VDAC1: variants seen among roughly 807,000 people sequenced by gnomAD.
VDAC1 encodes non-selective voltage-gated ion channel VDAC1.
Under a neutral mutation model 34.7 loss-of-function variants are expected in VDAC1, and 10 were observed. The ratio of observed to expected loss-of-function variants is 0.29; its 90% CI spans 0.18 to 0.49. VDAC1 has a LOEUF of 0.49. VDAC1 is among the 20% of genes least tolerant of loss of function. VDAC1 has a pLI of 0.99. For missense variants in VDAC1, 230 were observed against 347.9 expected, an observed-to-expected ratio of 0.66 and a Z score of 2.69; for synonymous variants, 130 against 136.0, an observed-to-expected ratio of 0.96 and a Z score of 0.30.
chr5:134,083,386 C>T, the VDAC1 span, among the ~76,000 whole-genome samples: 1 of 152,082 alleles, frequency 6.6e-6, no homozygotes, highest in Non-Finnish European at 1.5e-5. Flanking sequence ...ATGGGGGTTT[C>T]ACTATGTTGG....
the VDAC1 span, among the ~76,000 whole-genome samples, chr5:134,059,932 A>G: frequency 9.5e-5 from 14 of 147,528 alleles, no homozygotes; most frequent in Middle Eastern, 3.5e-3. Context: ...GCCCAGGGAG[A>G]CTGTGTGTCT....
intron 5 of VDAC1, among the ~76,000 whole-genome samples, chr5:133,987,426 C>T (rs1000355818): frequency 1.3e-5 from 2 of 151,958 alleles, no homozygotes; most frequent in African/African-American, 2.4e-5. Context: ...ACCTGTAATC[C>T]CAACAATTTG....
the VDAC1 span, among the ~76,000 whole-genome samples, chr5:134,061,690 G>A: frequency 4.0e-5 from 6 of 151,496 alleles, no homozygotes; most frequent in Non-Finnish European, 5.9e-5. Flanking sequence ...TTTTTATGAA[G>A]ACAATCATGT....
the VDAC1 span, among the ~76,000 whole-genome samples, chr5:134,082,256 T>C: frequency 6.6e-6 from 1 of 152,218 alleles, no homozygotes; most frequent in Admixed American, 6.5e-5. Context: ...CAACCACTGA[T>C]CTGCTTTCTG....
chr5:133,973,375 T>C (rs1471561845), intron 8 of VDAC1, among the ~76,000 whole-genome samples: 1 of 152,210 alleles, frequency 6.6e-6, no homozygotes, highest in Non-Finnish European at 1.5e-5. Flanking sequence ...GGTTATACAC[T>C]AGAACTATAA....
At chr5:134,012,035 GAGAGAAAGAAAGAAAA>G in the VDAC1 span, among the ~76,000 whole-genome samples, 13 of 152,016 alleles carry the variant, frequency 8.6e-5, no homozygotes, top group African/African-American at 2.2e-4. Flanking sequence ...GAGAGACAGA[GAGAGAAAGAAAGAAAA>G]AGAGAAAGAA....
chr5:134,048,712 C>T, the VDAC1 span, among the ~76,000 whole-genome samples: 2 of 152,156 alleles, frequency 1.3e-5, no homozygotes, highest in Non-Finnish European at 2.9e-5. Context: ...TGATCTATGT[C>T]CTCCTAGCTC....
At chr5:134,033,994 A>T in the VDAC1 span, among the ~76,000 whole-genome samples, 4 of 152,126 alleles carry the variant, frequency 2.6e-5, no homozygotes, top group Non-Finnish European at 5.9e-5. Flanking sequence ...TCCGTCTCAA[A>T]AAAAAAAGAA....
chr5:134,040,036 C>T, the VDAC1 span, among the ~76,000 whole-genome samples: 3 of 152,206 alleles, frequency 2.0e-5, no homozygotes, highest in Non-Finnish European at 4.4e-5. Flanking sequence ...TGGGCCCTTC[C>T]AGGGACAAGG....
At chr5:134,020,692 T>TTTG in the VDAC1 span, among the ~76,000 whole-genome samples, 3 of 148,902 alleles carry the variant, frequency 2.0e-5, no homozygotes, top group Non-Finnish European at 3.0e-5. Flanking sequence ...TTGTTTGTTT[T>TTTG]TTGAGGTGGA....
At chr5:134,002,429 G>A (rs1431548792) in intron 1 of VDAC1, among the ~76,000 whole-genome samples, 2 of 152,174 alleles carry the variant, frequency 1.3e-5, no homozygotes, top group South Asian at 2.1e-4. Context: ...CCCACCATGA[G>A]GGAAGGGGTA....
the VDAC1 span, among the ~76,000 whole-genome samples, chr5:134,067,035 C>T: frequency 6.7e-6 from 1 of 149,912 alleles, no homozygotes; most frequent in South Asian, 2.1e-4. Flanking sequence ...TTCTTTGCTT[C>T]TTTTTCCCCC....
chr5:134,074,317 T>A, the VDAC1 span, among the ~76,000 whole-genome samples: 1 of 146,698 alleles, frequency 6.8e-6, no homozygotes, highest in African/African-American at 2.5e-5. Flanking sequence ...AATAAATAAA[T>A]AAATAAATAA....
the VDAC1 span, among the ~76,000 whole-genome samples, chr5:134,102,133 T>TG: frequency 3.3e-5 from 5 of 151,350 alleles, no homozygotes; most frequent in Admixed American, 1.3e-4. Context: ...CTCCTGCAGT[T>TG]GAGAGGCACG....
intron 5 of VDAC1, among the ~76,000 whole-genome samples, chr5:133,982,890 C>CAA (rs1382644803): frequency 2.9e-5 from 2 of 69,388 alleles, no homozygotes; most frequent in African/African-American, 5.1e-5. Context: ...AACTCAGTCT[C>CAA]AAAAAAAAAA....
intron 5 of VDAC1, among the ~76,000 whole-genome samples, chr5:133,984,249 C>T (rs753098565): frequency 3.3e-5 from 5 of 151,780 alleles, no homozygotes; most frequent in South Asian, 2.1e-4. Flanking sequence ...TGTGGGTAGA[C>T]GGGGTTTAAC....
chr5:133,973,054 A>G (rs1752356615), intron 8 of VDAC1, among the ~76,000 whole-genome samples, 192 bp from the exon 9 acceptor site: 1 of 152,176 alleles, frequency 6.6e-6, no homozygotes, highest in Admixed American at 6.5e-5. Context: ...AAACAACTAT[A>G]ATTATCCCAC....
chr5:133,992,326 T>A lies in VDAC1; in HGVS notation c.97A>T (p.Thr33Ser), dbSNP rs1296925636. ...GFGLIKLDLKTKSENGLEFTS... is the reference protein window; with the variant it reads ...GFGLIKLDLKSKSENGLEFTS... Reference sequence around the variant, plus strand: ...CTTACCAATCCATTCTCAGATTTTGTTTTCAAATCAAGCTTTATTAAGCCA... The same window carrying A: ...CTTACCAATCCATTCTCAGATTTTGATTTCAAATCAAGCTTTATTAAGCCA... The change falls in exon 3 of 9, where the codon ACA becomes TCA. Residue 33 changes from threonine to serine, a missense_variant. Thr to Ser is a moderately conservative substitution (Grantham distance 58). Transcript: ENST00000265333. 1 of 1,583,346 alleles carries A rather than the reference T, an allele frequency of 6.3e-7. No individual in the cohort carries two copies. The highest frequency in any genetic ancestry group is 1.8e-5 in the Admixed American group (1 of 56,186).
the VDAC1 span, among the ~76,000 whole-genome samples, chr5:134,050,751 T>C: frequency 3.3e-5 from 5 of 152,302 alleles, no homozygotes; most frequent in African/African-American, 1.2e-4. Context: ...ATTAAAAACA[T>C]GTCAAATTGG....
Sources: allele counts gnomAD v4.1 joint callset (sites outside exome capture counted in the v4.1 genomes callset), GRCh38; gene constraint gnomAD v4.1.1; transcripts MANE v1.5; gene names NCBI Gene and HGNC (gene_info 2026-07-23, HGNC 2026-07-21).